PLPP4: variants seen among roughly 807,000 people sequenced by gnomAD.
PLPP4 encodes the protein phospholipid phosphatase 4, also known as diacylglycerol pyrophosphate like 2.
A neutral mutation model predicts 32.2 loss-of-function variants in PLPP4; 20 were observed. The ratio of observed to expected loss-of-function variants is 0.62; its 90% CI spans 0.44 to 0.90. PLPP4 has a LOEUF of 0.90. PLPP4 is among the 40% of genes least tolerant of loss of function. The probability of loss-of-function intolerance (pLI) is 0.00; values close to 1 mark genes in which losing one functional copy is unlikely to be tolerated. For synonymous variants in PLPP4, 127 were observed against 133.0 expected (o/e 0.95, Z 0.31); for missense variants, 257 against 353.1 (o/e 0.73, Z 2.18).
intron 5 of PLPP4, among the ~76,000 whole-genome samples, chr10:120,560,845 T>C (rs1848400329): frequency 6.6e-6 from 1 of 152,228 alleles, no homozygotes; most frequent in Admixed American, 6.5e-5. Flanking sequence ...TATGGGTTAA[T>C]TGACCATTTG....
intron 5 of PLPP4, among the ~76,000 whole-genome samples, chr10:120,545,424 T>G (rs1428799170): frequency 2.0e-5 from 3 of 152,236 alleles, no homozygotes; most frequent in Admixed American, 6.5e-5. Context: ...GGACATTCTT[T>G]CCTTTCATTG....
At chr10:120,534,979 T>C (rs1846945237) in intron 5 of PLPP4, among the ~76,000 whole-genome samples, 1 of 152,172 alleles carries the variant, frequency 6.6e-6, no homozygotes, top group Admixed American at 6.5e-5. Flanking sequence ...CTCCTTTTTC[T>C]CCTGGTGTGT....
chr10:120,579,391 G>A (rs1849376043), intron 6 of PLPP4, among the ~76,000 whole-genome samples: 1 of 152,120 alleles, frequency 6.6e-6, no homozygotes, highest in African/African-American at 2.4e-5. Flanking sequence ...AGACACAGTT[G>A]TCTAACCGGG....
upstream of PLPP4, chr10:120,457,053 CTCCGCACTAGGAGGCGGGG>C (rs1847807714): frequency 5.3e-6 from 1 of 187,594 alleles, no homozygotes; most frequent in African/African-American, 2.4e-5. Flanking sequence ...GCGGCCCCGG[CTCCGCACTAGGAGGCGGGG>C]TCCGCAGTAT....
chr10:120,585,846 T>C (rs1033990411), intron 6 of PLPP4, among the ~76,000 whole-genome samples: 1 of 152,192 alleles, frequency 6.6e-6, no homozygotes, highest in Non-Finnish European at 1.5e-5. Context: ...TTCTTGGGAA[T>C]GCCTCTTGCT....
chr10:120,543,046 C>T lies in PLPP4; in HGVS notation c.445+21951C>T, dbSNP rs529801787. ...TGTAGCCTGACACCCATCCCCAGGACGGTGGGTGAGTGTGGGTGTGGGTGG... is the reference window on the plus strand; with the variant it reads ...TGTAGCCTGACACCCATCCCCAGGATGGTGGGTGAGTGTGGGTGTGGGTGG... On this transcript the variant is annotated intron_variant, in intron 5 of 6. Coordinates refer to ENST00000398250, the MANE Select transcript of PLPP4 (RefSeq NM_001030059.3). Among the ~76,000 whole-genome samples, 4 of 152,250 alleles carry T rather than the reference C, an allele frequency of 2.6e-5. No homozygotes were observed. The South Asian group carries it at 8.3e-4, about 32-fold the overall frequency.
intron 1 of PLPP4, among the ~76,000 whole-genome samples, chr10:120,471,072 A>T (rs1343181165): frequency 1.3e-5 from 2 of 152,214 alleles, no homozygotes; most frequent in African/African-American, 2.4e-5. Flanking sequence ...AAATTTACAT[A>T]GCTTGAACAT....
intron 6 of PLPP4, among the ~76,000 whole-genome samples, chr10:120,575,821 G>A (rs7915990): frequency 0.37 from 56,962 of 151,978 alleles, 11,563 homozygotes; most frequent in African/African-American, 0.53. Context: ...CAGTCCTGGG[G>A]TATTTGTTAA....
intron 5 of PLPP4, among the ~76,000 whole-genome samples, chr10:120,565,017 C>G (rs959320280): frequency 6.6e-6 from 1 of 152,112 alleles, no homozygotes; most frequent in Non-Finnish European, 1.5e-5. Context: ...TATCAAACCT[C>G]TAGTTTAACA....
chr10:120,561,757 A>G (rs1343466477), intron 5 of PLPP4, among the ~76,000 whole-genome samples: 1 of 152,208 alleles, frequency 6.6e-6, no homozygotes, highest in Non-Finnish European at 1.5e-5. Flanking sequence ...AGAAGAGAGC[A>G]TGGAGAATCA....
chr10:120,496,629 G>T (rs1453031946), intron 1 of PLPP4, among the ~76,000 whole-genome samples: 1 of 152,162 alleles, frequency 6.6e-6, no homozygotes. Flanking sequence ...TATACAATCT[G>T]TAATCTCCAT....
chr10:120,488,171 A>C (rs1361870280), intron 1 of PLPP4, among the ~76,000 whole-genome samples: 1 of 152,236 alleles, frequency 6.6e-6, no homozygotes, highest in African/African-American at 2.4e-5. Context: ...ATCAAAGAAC[A>C]GAAGGGCAGT....
At chr10:120,461,031 C>T (rs995106922) in intron 1 of PLPP4, among the ~76,000 whole-genome samples, 2 of 152,170 alleles carry the variant, frequency 1.3e-5, no homozygotes, top group Admixed American at 6.5e-5. Flanking sequence ...TGAGCAATTC[C>T]TTCCATGACT....
intron 1 of PLPP4, among the ~76,000 whole-genome samples, chr10:120,482,194 G>A (rs1844237752): frequency 6.6e-6 from 1 of 152,214 alleles, no homozygotes; most frequent in African/African-American, 2.4e-5. Context: ...TTGGAACTGG[G>A]TAACAGGCAG....
intron 6 of PLPP4, among the ~76,000 whole-genome samples, chr10:120,579,786 G>C (rs1191112725): frequency 6.6e-6 from 1 of 151,966 alleles, no homozygotes; most frequent in African/African-American, 2.4e-5. Flanking sequence ...GCATCAAGCA[G>C]AGTAAGCTTT....
intron 5 of PLPP4, among the ~76,000 whole-genome samples, chr10:120,543,658 C>T (rs1023606886): frequency 1.3e-5 from 2 of 152,132 alleles, no homozygotes; most frequent in Non-Finnish European, 2.9e-5. Context: ...TTTAAGTGTG[C>T]AGTGACGTTA....
At position 120,459,217 on chromosome 10, in the gene PLPP4, T is replaced by G. The variant is rs115681826; in HGVS notation, c.56+1856T>G. 3.3e-4 allele frequency among the ~76,000 whole-genome samples: 50 copies of G among 152,340 alleles called. 1 individual carries two copies. Among genetic ancestry groups the G allele is most frequent in the African/African-American group, 1.2e-3 (49 of 41,580 alleles). On this transcript the variant is annotated intron_variant, in intron 1 of 6. Coordinates refer to ENST00000398250, the MANE Select transcript of PLPP4 (RefSeq NM_001030059.3). ...TGTTCTGTTCTCTGAAGTTCCCTCTTGTGTTACTTAATAGGGGATCTGTTG... is the reference window on the plus strand; with the variant it reads ...TGTTCTGTTCTCTGAAGTTCCCTCTGGTGTTACTTAATAGGGGATCTGTTG...
At chr10:120,572,342 C>G (rs1251071745) in intron 5 of PLPP4, among the ~76,000 whole-genome samples, 1 of 152,234 alleles carries the variant, frequency 6.6e-6, no homozygotes, top group East Asian at 1.9e-4. Flanking sequence ...TTCCCCTTCT[C>G]CATGCCCTGG....
chr10:120,589,762 C>T lies in PLPP4; in HGVS notation c.*260C>T, dbSNP rs1287851421. The T allele has an allele frequency of 2.3e-5, 10 of 427,280 alleles. No individual in the cohort carries two copies. The highest frequency in any genetic ancestry group is 8.1e-5 in the Admixed American group (2 of 24,572). 26.5% of individuals were successfully genotyped at this position (427,280 alleles called of 1,614,324 possible). The stretch of plus-strand genomic sequence containing the variant: ...GAAGGTGGGGTTTGGGGAGCTTGGC[C>T]GATTCGTCTATCTGAAATGTTTGCT... On this transcript the variant is annotated 3_prime_UTR_variant, in exon 7 of 7. Transcript: ENST00000398250.
Sources: allele counts gnomAD v4.1 joint callset (sites outside exome capture counted in the v4.1 genomes callset), GRCh38; gene constraint gnomAD v4.1.1; transcripts MANE v1.5; gene names NCBI Gene and HGNC (gene_info 2026-07-23, HGNC 2026-07-21).